AADACL2: variants seen among roughly 807,000 people sequenced by gnomAD.
The protein encoded by AADACL2 is arylacetamide deacetylase like 2.
In AADACL2, 23 loss-of-function variants were observed where a neutral mutation model predicts 22.3. That is an observed-to-expected ratio of 1.03 (90% CI 0.74 to 1.46). The LOEUF (loss-of-function observed/expected upper bound fraction) is 1.46. Among genes scored for constraint, AADACL2 ranks in the 40% most tolerant of loss-of-function variants. AADACL2 has a pLI of 0.00. For synonymous variants in AADACL2, 177 were observed against 166.2 expected, an observed-to-expected ratio of 1.07 and a Z score of -0.50; for missense variants, 472 against 482.9, an observed-to-expected ratio of 0.98 and a Z score of 0.21.
chr3:151,743,930 G>C (rs1713356223), intron 2 of AADACL2, among the ~76,000 whole-genome samples, 163 bp from the exon 3 acceptor site: 1 of 151,980 alleles, frequency 6.6e-6, no homozygotes, highest in African/African-American at 2.4e-5. Context: ...AGGAAGGGGA[G>C]AGTGTGCCAC....
chr3:151,750,789 C>T (rs962814392), intron 4 of AADACL2, among the ~76,000 whole-genome samples: 12 of 152,062 alleles, frequency 7.9e-5, no homozygotes, highest in South Asian at 2.1e-4. Context: ...TTGAAATACA[C>T]GTTATACATA....
chr3:151,742,806 C>T (rs1340444566), intron 2 of AADACL2, among the ~76,000 whole-genome samples: 1 of 152,112 alleles, frequency 6.6e-6, no homozygotes, highest in Non-Finnish European at 1.5e-5. Context: ...TGGTTTGGGG[C>T]TTGGAAACTA....
Position 151,744,402 on chromosome 3 carries a change from C to T in AADACL2, c.431+240C>T, listed in dbSNP as rs181523602. Among the ~76,000 whole-genome samples the T allele has an allele frequency of 1.0e-3, 158 of 152,134 alleles. 1 individual carries two copies. Among genetic ancestry groups the T allele is most frequent in the African/African-American group, 2.4e-3 (100 of 41,514 alleles). On this transcript the variant is annotated intron_variant, in intron 3 of 4. Transcript: ENST00000356517. The stretch of plus-strand genomic sequence containing the variant: ...GTTTTGGAAACACTTGCTCTAGACA[C>T]GTAAGACTCAGGTCCTATAAGGCCC...
chr3:151,739,687 G>T (rs1333752788), intron 1 of AADACL2, among the ~76,000 whole-genome samples: 1 of 152,160 alleles, frequency 6.6e-6, no homozygotes, highest in Non-Finnish European at 1.5e-5. Context: ...TAGGGCTGCT[G>T]CCTTTCTTTC....
chr3:151,737,110 T>A (rs561653365), intron 1 of AADACL2, among the ~76,000 whole-genome samples: 9 of 152,320 alleles, frequency 5.9e-5, no homozygotes, highest in African/African-American at 1.9e-4. Flanking sequence ...GGTATAAATT[T>A]CCCTCTTAAC....
chr3:151,739,249 GCTC>G (rs1713195570), intron 1 of AADACL2, among the ~76,000 whole-genome samples: 1 of 152,154 alleles, frequency 6.6e-6, no homozygotes, highest in Non-Finnish European at 1.5e-5. Flanking sequence ...TAACAGTTAG[GCTC>G]CTCTTCTGCA....
At chr3:151,756,278 C>G (rs942420477) in intron 4 of AADACL2, among the ~76,000 whole-genome samples, 44 of 152,132 alleles carry the variant, frequency 2.9e-4, no homozygotes, top group African/African-American at 1.0e-3. Context: ...AAAAGGCACT[C>G]CTTATCAAGT....
In AADACL2 at chr3:151,760,307, T is replaced by C. The variant is rs368998054; in HGVS notation, c.*2713T>C. On this transcript the variant is annotated 3_prime_UTR_variant, in exon 5 of 5. Transcript: ENST00000356517. ...TGTTATCCAGACATTGATTTGTATTTACATCTCATCTTCCTTTCTAAGAGA... is the reference window on the plus strand; with the variant it reads ...TGTTATCCAGACATTGATTTGTATTCACATCTCATCTTCCTTTCTAAGAGA... The C allele has an allele frequency of 2.7e-4, 41 of 152,314 alleles. No homozygotes were observed. The highest frequency in any genetic ancestry group is 9.9e-4 in the African/African-American group (41 of 41,574). The allele number at this position is 152,314 out of a possible 1,614,324, so 9.4% of individuals were successfully genotyped here. A position where few individuals can be genotyped will look rare whatever the true frequency, so the allele number is the denominator to read the frequency against.
chr3:151,741,921 C>T (rs1467728370), intron 2 of AADACL2, among the ~76,000 whole-genome samples: 1 of 152,028 alleles, frequency 6.6e-6, no homozygotes, highest in Admixed American at 6.6e-5. Flanking sequence ...AATTATTATT[C>T]AGGATATGAC....
chr3:151,753,805 C>T (rs1283888440), intron 4 of AADACL2, among the ~76,000 whole-genome samples: 1 of 152,024 alleles, frequency 6.6e-6, no homozygotes, highest in Non-Finnish European at 1.5e-5. Context: ...AACACACACT[C>T]AAACCAGGGA....
chr3:151,755,669 T>C (rs536180118), intron 4 of AADACL2, among the ~76,000 whole-genome samples: 2 of 152,256 alleles, frequency 1.3e-5, no homozygotes, highest in East Asian at 1.9e-4. Flanking sequence ...AACATAGAGA[T>C]GGGAAATACT....
chr3:151,757,014 A>C lies in AADACL2; in HGVS notation c.626A>C (p.Lys209Thr). 6.2e-7 allele frequency: 1 copy of C among 1,605,272 alleles called. No individual in the cohort carries two copies. Among genetic ancestry groups the C allele is most frequent in the South Asian group, 1.1e-5 (1 of 90,698 alleles). Residue 209 changes from lysine to threonine, a missense_variant, in exon 5 of 5, where the codon AAA (lysine) becomes ACA (threonine). Coordinates refer to ENST00000356517, the MANE Select transcript of AADACL2 (RefSeq NM_207365.4). Reference sequence around the variant, plus strand: ...CAGGTGCAGAATGATGCTGAAATAAAACATAAAATCAAGATGCAAGTCTTA... The same window carrying C: ...CAGGTGCAGAATGATGCTGAAATAACACATAAAATCAAGATGCAAGTCTTA... ...TQQVQNDAEI[K>T]HKIKMQVLLY...
rs756826800 is a variant in AADACL2 at position 151,745,519 on chromosome 3, G to A, written c.442G>A (p.Ala148Thr). Residue 148 changes from alanine (A) to threonine (T), a missense_variant, in exon 4 of 5, where the codon GCT becomes ACT. Transcript: ENST00000356517. ...ATTCTTTCTTTAAAGCTATAGGCTG[G>A]CTCCTCAACACCACTTTCCTGCTCA... ...AVVVGVDYRL[A>T]PQHHFPAQFE... The A allele has an allele frequency of 5.0e-5, 80 of 1,612,224 alleles. No homozygotes were observed. Among genetic ancestry groups the A allele is most frequent in the Non-Finnish European group, 6.0e-5 (71 of 1,179,350 alleles).
chr3:151,760,117 T>C lies in AADACL2; in HGVS notation c.*2523T>C, dbSNP rs1257159016. The C allele has an allele frequency of 2.0e-5, 3 of 152,114 alleles. No individual in the cohort carries two copies. The highest frequency in any genetic ancestry group is 2.0e-4 in the Admixed American group (3 of 15,254). The allele number at this position is 152,114 out of a possible 1,614,324, so 9.4% of individuals were successfully genotyped here. On this transcript the variant is annotated 3_prime_UTR_variant, in exon 5 of 5. Transcript: ENST00000356517. ...TAGCTGTTTGAGATTATGTAATATA[T>C]TATTGTTAACTATAGTCATCCTACA...
At chr3:151,737,562 G>GT (rs1336648072) in intron 1 of AADACL2, among the ~76,000 whole-genome samples, 1 of 152,066 alleles carries the variant, frequency 6.6e-6, no homozygotes, top group Admixed American at 6.5e-5. Context: ...GACAGTGGGT[G>GT]TTAAGGTCTC....
intron 3 of AADACL2, among the ~76,000 whole-genome samples, chr3:151,745,138 T>C (rs1351059722): frequency 6.6e-6 from 1 of 152,104 alleles, no homozygotes; most frequent in African/African-American, 2.4e-5. Flanking sequence ...CTGCAGCCTA[T>C]TGTGCTTTTT....
chr3:151,745,723 C>T (rs1166747005), intron 4 of AADACL2, 43 bp downstream of exon 4: 1 of 1,531,216 alleles, frequency 6.5e-7, no homozygotes, highest in South Asian at 1.3e-5. Flanking sequence ...GAAATTGAGG[C>T]TCATTTTTTT....
intron 4 of AADACL2, chr3:151,751,438 C>T (rs1381359545): frequency 6.6e-6 from 1 of 152,122 alleles, no homozygotes; most frequent in Non-Finnish European, 1.5e-5. Flanking sequence ...GATGTATTGG[C>T]TCACCTCTGT....
intron 1 of AADACL2, among the ~76,000 whole-genome samples, chr3:151,737,053 G>A (rs1201509170): frequency 6.6e-6 from 1 of 152,108 alleles, no homozygotes; most frequent in South Asian, 2.1e-4. Flanking sequence ...TGCGATGTTC[G>A]AGTGTCAATT....
Sources: gnomAD v4.1 joint callset for allele counts (sites outside exome capture counted in the v4.1 genomes callset) on GRCh38, gnomAD v4.1.1 for gene constraint, MANE v1.5 for transcripts, NCBI Gene and HGNC (gene_info 2026-07-23, HGNC 2026-07-21) for gene names.